The following ARHGAP24 variants were observed in gnomAD, a reference collection of about 807,000 sequenced individuals.
The protein encoded by ARHGAP24 is Rho GTPase activating protein 24, also known as rho GTPase-activating protein 24.
Under a neutral mutation model 76.4 loss-of-function variants are expected in ARHGAP24, and 50 were observed. The observed-to-expected ratio is 0.65, with a 90% CI of 0.52 to 0.83. The LOEUF is 0.83. ARHGAP24 is among the 40% of genes least tolerant of loss of function. ARHGAP24 has a pLI of 0.00. For missense variants in ARHGAP24, 930 were observed against 914.2 expected (o/e 1.02, Z -0.22); for synonymous variants, 345 against 323.3 (o/e 1.07, Z -0.72).
At chr4:85,939,448 A>G (rs570916271) in intron 4 of ARHGAP24, among the ~76,000 whole-genome samples, 66 of 152,284 alleles carry the variant, frequency 4.3e-4, no homozygotes, top group African/African-American at 1.6e-3. Flanking sequence ...AAATTATTTC[A>G]TCTCTCTGAG....
intron 3 of ARHGAP24, among the ~76,000 whole-genome samples, chr4:85,732,412 A>G (rs1725441818): frequency 6.6e-6 from 1 of 152,250 alleles, no homozygotes; most frequent in African/African-American, 2.4e-5. Context: ...CCAGGAGAGC[A>G]CTGGCATATC....
intron 2 of ARHGAP24, among the ~76,000 whole-genome samples, chr4:85,655,554 G>A (rs1483494976): frequency 2.6e-5 from 4 of 151,882 alleles, no homozygotes; most frequent in African/African-American, 4.8e-5. Flanking sequence ...AGCCAAGGCA[G>A]GTGGATCACT....
At chr4:85,585,968 G>A (rs1727841361) in intron 2 of ARHGAP24, among the ~76,000 whole-genome samples, 1 of 152,044 alleles carries the variant, frequency 6.6e-6, no homozygotes, top group African/African-American at 2.4e-5. Context: ...CTGACTCCTG[G>A]AATCCCTCCA....
At chr4:85,771,331 A>C (rs752000031) in intron 3 of ARHGAP24, among the ~76,000 whole-genome samples, 6 of 152,224 alleles carry the variant, frequency 3.9e-5, no homozygotes, top group Non-Finnish European at 8.8e-5. Context: ...TCCCAGTCTG[A>C]GTCTGAGGGC....
At chr4:85,520,597 C>G (rs1400572307) in intron 1 of ARHGAP24, among the ~76,000 whole-genome samples, 1 of 152,102 alleles carries the variant, frequency 6.6e-6, no homozygotes, top group African/African-American at 2.4e-5. Flanking sequence ...TGCATTCTAC[C>G]TTCCTACTTA....
rs141952888 is a variant in ARHGAP24 at position 85,969,370 on chromosome 4, CATTT to C, written c.600-2658_600-2655del. Among the ~76,000 whole-genome samples the C allele has an allele frequency of 5.0e-3, 763 of 152,132 alleles. 7 individuals carry two copies. Among genetic ancestry groups the C allele is most frequent in the African/African-American group, 0.018 (737 of 41,510 alleles). On this transcript the variant is annotated intron_variant, in intron 5 of 9. Transcript: ENST00000395184. Reference sequence around the variant, plus strand: ...TGTTTCTTGTTTATCATTATTGTCTCATTTATTTATTGTATTTATTCATAAATAT... The same window carrying C: ...TGTTTCTTGTTTATCATTATTGTCTCATTTATTGTATTTATTCATAAATAT...
At chr4:85,947,717 T>C (rs1187208564) in intron 5 of ARHGAP24, among the ~76,000 whole-genome samples, 2 of 152,202 alleles carry the variant, frequency 1.3e-5, no homozygotes, top group Non-Finnish European at 1.5e-5. Flanking sequence ...ATCAGATATG[T>C]AGAGCAAACT....
chr4:85,599,669 T>C (rs1719966663), intron 2 of ARHGAP24, among the ~76,000 whole-genome samples: 2 of 151,706 alleles, frequency 1.3e-5, no homozygotes, highest in African/African-American at 4.8e-5. Flanking sequence ...TGCTATTAAA[T>C]TATTTTTTTT....
At chr4:85,902,556 C>T (rs1280159247) in intron 3 of ARHGAP24, among the ~76,000 whole-genome samples, 1 of 152,168 alleles carries the variant, frequency 6.6e-6, no homozygotes, top group Non-Finnish European at 1.5e-5. Flanking sequence ...GTAATCATGG[C>T]CTGTCATTTG....
At chr4:85,626,316 T>C (rs1720952272) in intron 2 of ARHGAP24, among the ~76,000 whole-genome samples, 1 of 152,172 alleles carries the variant, frequency 6.6e-6, no homozygotes, top group South Asian at 2.1e-4. Context: ...ATTTTATTTC[T>C]CCTTCACTTA....
At chr4:85,710,616 C>T (rs1724491051) in intron 2 of ARHGAP24, among the ~76,000 whole-genome samples, 2 of 152,044 alleles carry the variant, frequency 1.3e-5, no homozygotes, top group East Asian at 1.9e-4. Context: ...AAAAAATTTA[C>T]AAGAAGAAAA....
rs544526879 is a variant in ARHGAP24 at position 85,839,478 on chromosome 4, G to A, written c.269-84170G>A. On this transcript the variant is annotated intron_variant, in intron 3 of 9. Coordinates refer to ENST00000395184, the MANE Select transcript of ARHGAP24 (RefSeq NM_001025616.3). ...TTTTTTTTTCTTTTTTTGAGATAGAGTCTCGCTCTGTTGCCAGGCTGGAGG... is the reference window on the plus strand; with the variant it reads ...TTTTTTTTTCTTTTTTTGAGATAGAATCTCGCTCTGTTGCCAGGCTGGAGG... Among the ~76,000 whole-genome samples, 4 of 152,112 alleles carry A rather than the reference G, an allele frequency of 2.6e-5. No homozygotes were observed. The South Asian group carries it at 8.3e-4, about 32-fold the overall frequency.
At chr4:85,851,809 G>A (rs977637847) in intron 3 of ARHGAP24, among the ~76,000 whole-genome samples, 4 of 152,174 alleles carry the variant, frequency 2.6e-5, no homozygotes, top group African/African-American at 4.8e-5. Context: ...GGTTTCTGCC[G>A]AGAGATCTGC....
intron 3 of ARHGAP24, among the ~76,000 whole-genome samples, chr4:85,841,345 C>G (rs1730586359): frequency 6.6e-6 from 1 of 152,152 alleles, no homozygotes; most frequent in Admixed American, 6.5e-5. Context: ...TGCTGAAGAG[C>G]CCAGATTCAG....
rs146976878 is a variant in ARHGAP24, at chr4:85,639,127, A to G, written c.180+68406A>G. ...TTCTTATTCCCCAAATTGTCCTAAG[A>G]TTGCCCAAAAGAAGAGAATGTAGCC... On this transcript the variant is annotated intron_variant, in intron 2 of 9. Transcript: ENST00000395184. 6.1e-3 allele frequency among the ~76,000 whole-genome samples: 931 copies of G among 152,238 alleles called. 9 individuals carry two copies. Among genetic ancestry groups the G allele is most frequent in the African/African-American group, 0.021 (872 of 41,546 alleles).
At chr4:85,868,124 G>A (rs376510169) in intron 3 of ARHGAP24, among the ~76,000 whole-genome samples, 23 of 152,028 alleles carry the variant, frequency 1.5e-4, no homozygotes, top group East Asian at 1.4e-3. Flanking sequence ...CATTAGTTCC[G>A]CCTGGAAAGG....
In ARHGAP24 at chr4:85,710,696, G is replaced by A. The variant is rs573914777; in HGVS notation, c.181-11189G>A. The stretch of plus-strand genomic sequence containing the variant: ...AAGAAGACACACATGCAGCCAAAAA[G>A]CATATGAAAATACAGGTCGACATCA... On this transcript the variant is annotated intron_variant, in intron 2 of 9. Coordinates refer to ENST00000395184, the MANE Select transcript of ARHGAP24 (RefSeq NM_001025616.3). Among the ~76,000 whole-genome samples, 10 of 152,192 alleles carry A rather than the reference G, an allele frequency of 6.6e-5. No homozygotes were observed. In the South Asian group the frequency reaches 2.1e-3, roughly 32 times the overall value.
At chr4:85,645,059 A>T (rs1721673230) in intron 2 of ARHGAP24, among the ~76,000 whole-genome samples, 1 of 152,116 alleles carries the variant, frequency 6.6e-6, no homozygotes, top group African/African-American at 2.4e-5. Context: ...ATTACATTTC[A>T]ACATTTTCTC....
chr4:85,529,083 A>G (rs1032924702), intron 1 of ARHGAP24, among the ~76,000 whole-genome samples: 2 of 152,048 alleles, frequency 1.3e-5, no homozygotes, highest in Non-Finnish European at 2.9e-5. Context: ...TATATCCAGT[A>G]GTAGTCACTG....
Sources: gnomAD v4.1 joint callset for allele counts (sites outside exome capture counted in the v4.1 genomes callset) on GRCh38, gnomAD v4.1.1 for gene constraint, MANE v1.5 for transcripts, NCBI Gene and HGNC (gene_info 2026-07-23, HGNC 2026-07-21) for gene names.